The following PTPRD variants were observed in gnomAD, a reference collection of about 807,000 sequenced individuals.
PTPRD encodes the protein protein tyrosine phosphatase receptor type D.
PTPRD carries 34 observed loss-of-function variants against 214.5 expected under a neutral mutation model. The ratio of observed to expected loss-of-function variants is 0.16; its 90% confidence interval spans 0.12 to 0.21. PTPRD has a LOEUF of 0.21. Ranked by LOEUF, PTPRD falls within the 10% of genes least tolerant of loss-of-function variation. The pLI is 1.00. For missense variants in PTPRD, 2,545 were observed against 2,398.7 expected (o/e 1.06, Z -1.27); for synonymous variants, 1,128 against 845.7 (o/e 1.33, Z -5.79).
At chr9:10,483,963 A>T (rs531995046) in intron 2 of PTPRD, among the ~76,000 whole-genome samples, 10 of 152,254 alleles carry the variant, frequency 6.6e-5, no homozygotes, top group African/African-American at 2.2e-4. Context: ...ATATCAAAAA[A>T]CATTCAAACA....
rs544052463 is a variant in PTPRD, at chr9:10,277,255, A to C, written c.-545+63708T>G. ...ACATAAAACATAAACATAAAAAAAAAACAACAAACCCTGAGTTGAGTTATA... is the reference window on the plus strand; with the variant it reads ...ACATAAAACATAAACATAAAAAAAACACAACAAACCCTGAGTTGAGTTATA... On this transcript the variant is annotated intron_variant, in intron 3 of 45. Transcript: ENST00000381196. Among the ~76,000 whole-genome samples the C allele has an allele frequency of 3.3e-5, 5 of 152,330 alleles. No homozygotes were observed. The East Asian group carries it at 9.6e-4, about 29-fold the overall frequency.
chr9:10,520,801 CA>C (rs992639076), intron 2 of PTPRD, among the ~76,000 whole-genome samples: 41 of 152,108 alleles, frequency 2.7e-4, no homozygotes, highest in African/African-American at 9.6e-4. Context: ...AATGGAACAA[CA>C]AAGCCTAGAT....
At chr9:9,629,556 A>G (rs891417369) in intron 7 of PTPRD, among the ~76,000 whole-genome samples, 3 of 152,114 alleles carry the variant, frequency 2.0e-5, no homozygotes, top group Non-Finnish European at 4.4e-5. Context: ...AAAATACTTC[A>G]CTTTAAAATT....
At chr9:10,459,548 C>A (rs768688472) in intron 2 of PTPRD, among the ~76,000 whole-genome samples, 3 of 152,160 alleles carry the variant, frequency 2.0e-5, no homozygotes, top group Non-Finnish European at 4.4e-5. Context: ...TTCTCCACAT[C>A]CTCTCCAGCA....
At chr9:10,102,924 T>C (rs555535210) in intron 3 of PTPRD, among the ~76,000 whole-genome samples, 3 of 151,888 alleles carry the variant, frequency 2.0e-5, no homozygotes, top group East Asian at 1.9e-4. Flanking sequence ...TTCATTATCA[T>C]AATAATTACA....
intron 10 of PTPRD, among the ~76,000 whole-genome samples, chr9:9,120,165 G>T: frequency 6.6e-6 from 1 of 152,224 alleles, no homozygotes; most frequent in Admixed American, 6.5e-5. Context: ...AGTGCACATT[G>T]GCATCTTGAA....
At chr9:10,554,032 C>T (rs568593519) in intron 2 of PTPRD, among the ~76,000 whole-genome samples, 3 of 152,170 alleles carry the variant, frequency 2.0e-5, no homozygotes, top group African/African-American at 7.2e-5. Flanking sequence ...ACATGTTTGA[C>T]CTGATTTCCA....
At chr9:10,338,363 C>A (rs2096880279) in intron 3 of PTPRD, among the ~76,000 whole-genome samples, 1 of 151,620 alleles carries the variant, frequency 6.6e-6, no homozygotes, top group Non-Finnish European at 1.5e-5. Context: ...TCTATCCATA[C>A]CAATATAACT....
chr9:9,785,228 C>G (rs940714856), intron 5 of PTPRD, among the ~76,000 whole-genome samples: 1 of 151,880 alleles, frequency 6.6e-6, no homozygotes, highest in Non-Finnish European at 1.5e-5. Context: ...TCAGGAAACA[C>G]TACAGTAGTA....
chr9:8,529,474 C>T (rs1406732155), intron 14 of PTPRD, among the ~76,000 whole-genome samples: 1 of 152,116 alleles, frequency 6.6e-6, no homozygotes, highest in East Asian at 1.9e-4. Flanking sequence ...ATGTTCCTTA[C>T]AGGGATAAGA....
At chr9:8,904,061 C>G (rs1446209558) in intron 11 of PTPRD, among the ~76,000 whole-genome samples, 1 of 152,126 alleles carries the variant, frequency 6.6e-6, no homozygotes, top group Non-Finnish European at 1.5e-5. Context: ...AAAAAAGTTG[C>G]AATAATGCTA....
intron 2 of PTPRD, among the ~76,000 whole-genome samples, chr9:10,405,438 C>T (rs563901375): frequency 5.3e-5 from 8 of 151,686 alleles, no homozygotes; most frequent in South Asian, 4.1e-4. Flanking sequence ...GATAATAATA[C>T]TTCAACCAGT....
At chr9:8,500,559 A>AAG (rs2097375719) in intron 24 of PTPRD, among the ~76,000 whole-genome samples, 195 bp downstream of exon 24, 1 of 57,536 alleles carries the variant, frequency 1.7e-5, no homozygotes, top group Admixed American at 2.4e-4. Flanking sequence ...GAAAAAAATG[A>AAG]AAAAAAAAAA....
At chr9:9,314,568 A>G (rs1961442082) in intron 9 of PTPRD, among the ~76,000 whole-genome samples, 1 of 152,100 alleles carries the variant, frequency 6.6e-6, no homozygotes, top group South Asian at 2.1e-4. Flanking sequence ...CATGTGATAA[A>G]TGTAAAAGGC....
chr9:9,860,184 A>G (rs556656762), intron 5 of PTPRD, among the ~76,000 whole-genome samples: 10 of 152,346 alleles, frequency 6.6e-5, no homozygotes, highest in African/African-American at 2.4e-4. Flanking sequence ...GGTACATGGT[A>G]TTTCACAAGA....
intron 10 of PTPRD, among the ~76,000 whole-genome samples, chr9:9,169,792 G>C (rs1340669056): frequency 1.3e-5 from 2 of 152,166 alleles, no homozygotes; most frequent in Non-Finnish European, 2.9e-5. Context: ...TCAGAGCATA[G>C]GTGTGCCCAA....
At chr9:8,919,467 G>A (rs778653230) in intron 11 of PTPRD, among the ~76,000 whole-genome samples, 1 of 150,678 alleles carries the variant, frequency 6.6e-6, no homozygotes, top group Non-Finnish European at 1.5e-5. Flanking sequence ...TTTTTCTCTA[G>A]TTTATTTTTC....
intron 3 of PTPRD, among the ~76,000 whole-genome samples, chr9:10,308,335 T>C (rs985275233): frequency 6.6e-6 from 1 of 152,084 alleles, no homozygotes; most frequent in Non-Finnish European, 1.5e-5. Flanking sequence ...TTTCCTAATA[T>C]ATATTCTCAG....
intron 3 of PTPRD, among the ~76,000 whole-genome samples, chr9:10,200,189 C>T (rs2099414020): frequency 6.6e-6 from 1 of 151,686 alleles, no homozygotes; most frequent in Non-Finnish European, 1.5e-5. Context: ...TGACATAATG[C>T]TAATTAACAA....
Sources: gnomAD v4.1 joint callset for allele counts (sites outside exome capture counted in the v4.1 genomes callset) on GRCh38, gnomAD v4.1.1 for gene constraint, MANE v1.5 for transcripts, NCBI Gene and HGNC (gene_info 2026-07-23, HGNC 2026-07-21) for gene names.